UEVLD: variants seen among roughly 807,000 people sequenced by gnomAD.
UEVLD encodes the protein UEV and lactate/malate dehyrogenase domains.
In UEVLD, 47 loss-of-function variants were observed where a neutral mutation model predicts 58.6. That is an observed-to-expected ratio of 0.80 (90% CI 0.63 to 1.02). The LOEUF (loss-of-function observed/expected upper bound fraction) is 1.02, where lower values mean the gene tolerates loss of function less well. Ranked by LOEUF, UEVLD falls within the 50% of genes least tolerant of loss-of-function variation. The probability of loss-of-function intolerance (pLI) is 0.00; values close to 1 mark genes in which losing one functional copy is unlikely to be tolerated. For missense variants in UEVLD, 510 were observed against 550.6 expected (o/e 0.93, Z 0.74); for synonymous variants, 197 against 195.3 (o/e 1.01, Z -0.07).
chr11:18,542,169 TAAG>T (rs969770981), intron 9 of UEVLD, among the ~76,000 whole-genome samples: 14 of 152,140 alleles, frequency 9.2e-5, no homozygotes, highest in African/African-American at 3.4e-4. Flanking sequence ...AAACATTCTA[TAAG>T]TTTTGAGTAA....
intron 1 of UEVLD, among the ~76,000 whole-genome samples, chr11:18,579,026 C>T (rs1853093260): frequency 6.6e-6 from 1 of 152,086 alleles, no homozygotes; most frequent in South Asian, 2.1e-4. Context: ...CGCCACCACG[C>T]CTGGCTAATT....
chr11:18,550,777 T>G (rs1851490469), intron 7 of UEVLD, among the ~76,000 whole-genome samples: 1 of 152,230 alleles, frequency 6.6e-6, no homozygotes, highest in Admixed American at 6.5e-5. Flanking sequence ...CCAAATAGAG[T>G]CTTCCATTTC....
intron 2 of UEVLD, among the ~76,000 whole-genome samples, chr11:18,575,711 T>C (rs1852871843): frequency 6.6e-6 from 1 of 152,244 alleles, no homozygotes. Flanking sequence ...TTAATCATCT[T>C]TGATCTTCAG....
At chr11:18,582,364 C>T (rs893764397) in intron 1 of UEVLD, among the ~76,000 whole-genome samples, 4 of 140,310 alleles carry the variant, frequency 2.9e-5, no homozygotes, top group African/African-American at 1.1e-4. Context: ...CCGGCCCGAG[C>T]CAAAAAGTAC....
intron 1 of UEVLD, among the ~76,000 whole-genome samples, chr11:18,582,369 A>G (rs549289831): frequency 1.4e-5 from 2 of 143,782 alleles, no homozygotes; most frequent in Admixed American, 1.4e-4. Flanking sequence ...CCGAGCCAAA[A>G]AGTACCTGTT....
chr11:18,544,011 T>C (rs1851176417), intron 9 of UEVLD, among the ~76,000 whole-genome samples: 1 of 152,226 alleles, frequency 6.6e-6, no homozygotes, highest in Admixed American at 6.5e-5. Context: ...GTTCTATATA[T>C]GCTTTAAGGT....
intron 3 of UEVLD, among the ~76,000 whole-genome samples, chr11:18,573,254 A>G (rs1213499449): frequency 6.6e-6 from 1 of 152,226 alleles, no homozygotes. Flanking sequence ...CTAAGCAGTA[A>G]TTCATTTAAA....
At chr11:18,550,734 T>C (rs529126181) in intron 7 of UEVLD, among the ~76,000 whole-genome samples, 2 of 152,356 alleles carry the variant, frequency 1.3e-5, no homozygotes, top group African/African-American at 4.8e-5. Context: ...ATATTGCATG[T>C]GTCTTTTTAT....
chr11:18,551,701 T>A (rs1851537410), intron 7 of UEVLD, among the ~76,000 whole-genome samples: 1 of 152,162 alleles, frequency 6.6e-6, no homozygotes, highest in Non-Finnish European at 1.5e-5. Flanking sequence ...TCAGTCAGCA[T>A]CTGTGTTACC....
At chr11:18,555,423 TAA>T (rs774366335) in intron 7 of UEVLD, among the ~76,000 whole-genome samples, 3 of 136,520 alleles carry the variant, frequency 2.2e-5, no homozygotes, top group African/African-American at 5.4e-5. Context: ...GAGACTGTCT[TAA>T]AAAAAAAAAA....
At position 18,578,787 on chromosome 11, in the gene UEVLD, C is replaced by T. The variant is rs1853075565; in HGVS notation, c.64G>A (p.Val22Met). 1.2e-6 allele frequency: 2 copies of T among 1,606,608 alleles called. No homozygotes were observed. The highest frequency in any genetic ancestry group is 2.2e-5 in the South Asian group (2 of 89,424). The change falls in exon 2 of 12, where the codon GTG becomes ATG. Residue 22 changes from valine (V) to methionine (M), a missense_variant. Transcript: ENST00000396197. Reference protein sequence around the residue: ...LGKYKFRDLTVEELRNVNVFF... With the variant: ...LGKYKFRDLTMEELRNVNVFF... ...ACATTTACATTCCTTAGTTCTTCCA[C>T]AGTTAGGTCCCTGAACTTGTACTGA...
At chr11:18,581,231 C>G (rs951370460) in intron 1 of UEVLD, among the ~76,000 whole-genome samples, 1 of 149,370 alleles carries the variant, frequency 6.7e-6, no homozygotes, top group African/African-American at 2.5e-5. Flanking sequence ...GAAGGTCTTA[C>G]AATTAACATA....
rs145263263 is a variant in UEVLD at position 18,546,034 on chromosome 11, C to T, written c.886+846G>A. Reference sequence around the variant, plus strand: ...GAGATCAATGTCCCTCAACAAATTACTACAAAAAAACAACTGAAATGCATA... The same window carrying T: ...GAGATCAATGTCCCTCAACAAATTATTACAAAAAAACAACTGAAATGCATA... On this transcript the variant is annotated intron_variant, in intron 8 of 11. Transcript: ENST00000396197. 2.5e-4 allele frequency among the ~76,000 whole-genome samples: 38 copies of T among 152,154 alleles called. No homozygotes were observed. In the East Asian group the frequency reaches 6.2e-3, roughly 25 times the overall value.
intron 6 of UEVLD, among the ~76,000 whole-genome samples, chr11:18,558,984 C>T (rs958869286): frequency 6.6e-6 from 1 of 151,036 alleles, no homozygotes; most frequent in African/African-American, 2.4e-5. Context: ...AAGTGATTTT[C>T]CTGCCTCAGC....
chr11:18,537,802 A>C (rs1850874236), intron 9 of UEVLD, among the ~76,000 whole-genome samples: 1 of 151,944 alleles, frequency 6.6e-6, no homozygotes, highest in South Asian at 2.1e-4. Flanking sequence ...AGCTGGGATT[A>C]CAGGTGCCTG....
chr11:18,553,464 C>T (rs1277928341), intron 7 of UEVLD, among the ~76,000 whole-genome samples: 1 of 151,942 alleles, frequency 6.6e-6, no homozygotes, highest in Admixed American at 6.6e-5. Context: ...AGAATTAATT[C>T]CTTAATAAGT....
At position 18,534,356 on chromosome 11, in the gene UEVLD, C is replaced by T. The variant is rs1850699201; in HGVS notation, c.1222G>A (p.Val408Met). 8.4e-6 allele frequency: 13 copies of T among 1,554,778 alleles called. No homozygotes were observed. Among genetic ancestry groups the T allele is most frequent in the Non-Finnish European group, 1.0e-5 (12 of 1,159,304 alleles). The change falls in exon 11 of 12, where the codon GTG becomes ATG. Residue 408 changes from valine to methionine, a missense_variant. Transcript: ENST00000396197. ...TTTGCTAAAGCTGATACAGAATGCA[C>T]TTTCTTCTTATTGTTTACAATACTG... is the stretch of plus-strand genomic sequence containing the variant. The part of the protein sequence containing the change: ...VDSIVNNKKK[V>M]HSVSALAKGY...
chr11:18,575,335 T>G lies in UEVLD; in HGVS notation c.193+12A>C. The G allele has an allele frequency of 6.3e-7, 1 of 1,595,626 alleles. No homozygotes were observed. On this transcript the variant is annotated intron_variant, in intron 3 of 11. Transcript: ENST00000396197. Reference sequence around the variant, plus strand: ...TAGAAAACTCACACATTTTTTCAACTTCCACACTTACCCTGATACATCACA... The same window carrying G: ...TAGAAAACTCACACATTTTTTCAACGTCCACACTTACCCTGATACATCACA...
chr11:18,585,642 A>AT (rs112928334), intron 1 of UEVLD, among the ~76,000 whole-genome samples: 117 of 145,486 alleles, frequency 8.0e-4, no homozygotes, highest in Admixed American at 1.7e-3. Context: ...TATTATTATT[A>AT]TTTTTTTTTT....
Sources: gnomAD v4.1 joint callset for allele counts (sites outside exome capture counted in the v4.1 genomes callset) on GRCh38, gnomAD v4.1.1 for gene constraint, MANE v1.5 for transcripts, NCBI Gene and HGNC (gene_info 2026-07-23, HGNC 2026-07-21) for gene names.